Variants in PLAC8L1 observed in about 807,000 individuals in gnomAD.
The protein encoded by PLAC8L1 is PLAC8-like protein 1.
Under a neutral mutation model 16.3 loss-of-function variants are expected in PLAC8L1, and 13 were observed. That is an observed-to-expected ratio of 0.80 (90% CI 0.52 to 1.27). The LOEUF (loss-of-function observed/expected upper bound fraction) is 1.27, where lower values mean the gene tolerates loss of function less well. Among genes scored for constraint, PLAC8L1 ranks in the 50% most tolerant of loss-of-function variants. PLAC8L1 has a pLI of 0.00. For missense variants in PLAC8L1, 184 were observed against 220.2 expected (o/e 0.84, Z 1.04); for synonymous variants, 78 against 79.3 (o/e 0.98, Z 0.09).
chr5:146,102,127 C>A (rs546007904), intron 1 of PLAC8L1, among the ~76,000 whole-genome samples: 8 of 149,854 alleles, frequency 5.3e-5, no homozygotes, highest in African/African-American at 1.7e-4. Context: ...ATGATCACAG[C>A]TCTCTGCAAC....
At chr5:146,102,578 G>A (rs76181275) in intron 1 of PLAC8L1, among the ~76,000 whole-genome samples, 5,289 of 152,112 alleles carry the variant, frequency 0.035, 317 homozygotes, top group African/African-American at 0.12. Flanking sequence ...TTACGCCCAG[G>A]GAATCTTCTG....
chr5:146,087,321 T>C (rs892882006), intron 2 of PLAC8L1, among the ~76,000 whole-genome samples: 7 of 151,600 alleles, frequency 4.6e-5, no homozygotes, highest in Admixed American at 4.0e-4. Context: ...ATTTGACTGC[T>C]ATGAAGATTC....
At chr5:146,094,829 A>G (rs1257906159) in intron 2 of PLAC8L1, among the ~76,000 whole-genome samples, 3 of 152,248 alleles carry the variant, frequency 2.0e-5, no homozygotes, top group Non-Finnish European at 4.4e-5. Flanking sequence ...TTCATAATGT[A>G]CCCTTTGCTT....
At chr5:146,097,109 C>T (rs1763730595) in intron 2 of PLAC8L1, among the ~76,000 whole-genome samples, 1 of 152,214 alleles carries the variant, frequency 6.6e-6, no homozygotes, top group Non-Finnish European at 1.5e-5. Flanking sequence ...CCCTCCCCCT[C>T]CTCCCAGAGA....
intron 3 of PLAC8L1, among the ~76,000 whole-genome samples, chr5:146,085,100 CT>C (rs5871956): frequency 0.066 from 9,798 of 148,132 alleles, 349 homozygotes; most frequent in African/African-American, 0.074. Flanking sequence ...CTGTGCCTTA[CT>C]TTTTTTTTTT....
intron 2 of PLAC8L1, among the ~76,000 whole-genome samples, chr5:146,089,348 A>G (rs1223969753): frequency 6.6e-6 from 1 of 152,212 alleles, no homozygotes; most frequent in Non-Finnish European, 1.5e-5. Flanking sequence ...ATGAATTTTT[A>G]TTATATAATA....
chr5:146,092,065 C>T (rs1763629472), intron 2 of PLAC8L1, among the ~76,000 whole-genome samples: 1 of 152,110 alleles, frequency 6.6e-6, no homozygotes, highest in Admixed American at 6.5e-5. Context: ...GCTCATTATT[C>T]ATCCTTCTAA....
At chr5:146,086,022 G>GTTTTTTTTT (rs1561781679) in intron 2 of PLAC8L1, among the ~76,000 whole-genome samples, 10 of 111,006 alleles carry the variant, frequency 9.0e-5, no homozygotes, top group African/African-American at 3.5e-4. Flanking sequence ...TAATTGAAAG[G>GTTTTTTTTT]TCTTTTTTTT....
Position 146,090,420 on chromosome 5 carries a change from A to C in PLAC8L1, c.257-4823T>G, listed in dbSNP as rs867445449. On this transcript the variant is annotated intron_variant, in intron 2 of 3. Coordinates refer to ENST00000311450, the MANE Select transcript of PLAC8L1 (RefSeq NM_001029869.3). The stretch of plus-strand genomic sequence containing the variant: ...GGTAGTGGCGTGTGCCTGTAATCCC[A>C]GCTACTCAGGAGGTTGAGGTGGAAG... 3.0e-4 allele frequency among the ~76,000 whole-genome samples: 45 copies of C among 151,450 alleles called. 1 individual carries two copies. The highest frequency in any genetic ancestry group is 1.2e-4 in the Non-Finnish European group (8 of 67,988).
chr5:146,103,457 C>T (rs1162142582), intron 1 of PLAC8L1, among the ~76,000 whole-genome samples: 3 of 152,056 alleles, frequency 2.0e-5, no homozygotes, highest in Non-Finnish European at 4.4e-5. Flanking sequence ...CTGCGCCTGG[C>T]CTCAGACCCC....
At chr5:146,098,622 G>A (rs1008946660) in intron 1 of PLAC8L1, among the ~76,000 whole-genome samples, 1 of 152,178 alleles carries the variant, frequency 6.6e-6, no homozygotes, top group Non-Finnish European at 1.5e-5. Context: ...CATTCCTGGA[G>A]GCTTGACCTT....
chr5:146,094,508 G>A (rs902774495), intron 2 of PLAC8L1, among the ~76,000 whole-genome samples: 1 of 152,208 alleles, frequency 6.6e-6, no homozygotes, highest in African/African-American at 2.4e-5. Context: ...ATCATGAGCT[G>A]AATTATGAGT....
At chr5:146,100,205 G>A (rs1213525722) in intron 1 of PLAC8L1, among the ~76,000 whole-genome samples, 1 of 152,126 alleles carries the variant, frequency 6.6e-6, no homozygotes, top group Non-Finnish European at 1.5e-5. Context: ...TAAGAGGTAG[G>A]GATGTTTGGA....
intron 2 of PLAC8L1, among the ~76,000 whole-genome samples, chr5:146,090,710 T>C (rs144723347): frequency 1.6e-4 from 24 of 152,240 alleles, no homozygotes; most frequent in African/African-American, 5.5e-4. Flanking sequence ...TGGAAATGAA[T>C]ATTAAGACAT....
At chr5:146,094,956 A>G (rs1268817945) in intron 2 of PLAC8L1, among the ~76,000 whole-genome samples, 2 of 152,212 alleles carry the variant, frequency 1.3e-5, no homozygotes, top group Non-Finnish European at 2.9e-5. Context: ...CAAGTCTGTC[A>G]AAACAATGGA....
chr5:146,086,661 A>G (rs1354976043), intron 2 of PLAC8L1, among the ~76,000 whole-genome samples: 2 of 152,212 alleles, frequency 1.3e-5, no homozygotes, highest in African/African-American at 4.8e-5. Context: ...AGAAAACTAC[A>G]TGCACATAGA....
intron 2 of PLAC8L1, among the ~76,000 whole-genome samples, chr5:146,095,994 T>C (rs1172558359): frequency 1.3e-5 from 2 of 152,220 alleles, no homozygotes; most frequent in Non-Finnish European, 2.9e-5. Flanking sequence ...AGGGCTGCCA[T>C]AGCAAAATAC....
chr5:146,091,889 G>C (rs115710259), intron 2 of PLAC8L1, among the ~76,000 whole-genome samples: 2,382 of 151,938 alleles, frequency 0.016, 70 homozygotes, highest in African/African-American at 0.054. Flanking sequence ...ATTGTTACTA[G>C]TGAAAAAAAA....
chr5:146,088,257 T>C (rs1236454404), intron 2 of PLAC8L1, among the ~76,000 whole-genome samples: 2 of 152,220 alleles, frequency 1.3e-5, no homozygotes, highest in Non-Finnish European at 2.9e-5. Flanking sequence ...ACACCACTTC[T>C]GGCCAAGAGT....
Sources: gnomAD v4.1 joint callset for allele counts (sites outside exome capture counted in the v4.1 genomes callset) on GRCh38, gnomAD v4.1.1 for gene constraint, MANE v1.5 for transcripts, NCBI Gene and HGNC (gene_info 2026-07-23, HGNC 2026-07-21) for gene names.